The following PPP2R2B variants were observed in gnomAD, a reference collection of about 807,000 sequenced individuals.
PPP2R2B encodes the protein serine/threonine-protein phosphatase 2A 55 kDa regulatory subunit B beta isoform.
In PPP2R2B, 5 loss-of-function variants were observed where a neutral mutation model predicts 46.0. That is an observed-to-expected ratio of 0.11 (90% CI 0.06 to 0.23). The LOEUF (loss-of-function observed/expected upper bound fraction) is 0.23, where lower values mean the gene tolerates loss of function less well. Among genes scored for constraint, PPP2R2B ranks in the 10% least tolerant of loss-of-function variants. The pLI is 1.00. For synonymous variants in PPP2R2B, 215 were observed against 206.7 expected, an observed-to-expected ratio of 1.04 and a Z score of -0.34; for missense variants, 367 against 575.0, an observed-to-expected ratio of 0.64 and a Z score of 3.70.
rs190285872 is a variant in PPP2R2B, at chr5:146,615,656, T to G, written c.791-15196A>C. On this transcript the variant is annotated intron_variant, in intron 7 of 9. Coordinates refer to ENST00000394411, the MANE Select transcript of PPP2R2B (RefSeq NM_181675.4). ...TAAACCCATTTACAACAGCTACAAA[T>G]TAAAAACCAAGGATTTAACTTACTT... Among the ~76,000 whole-genome samples, 481 of 151,316 alleles carry G rather than the reference T, an allele frequency of 3.2e-3. 3 individuals carry two copies. Among genetic ancestry groups the G allele is most frequent in the African/African-American group, 0.011 (460 of 41,212 alleles).
At chr5:146,864,011 T>C (rs1234586197) in intron 2 of PPP2R2B, among the ~76,000 whole-genome samples, 4 of 152,214 alleles carry the variant, frequency 2.6e-5, no homozygotes, top group Non-Finnish European at 5.9e-5. Context: ...ACAGCGATTT[T>C]AGAAGGAAAT....
chr5:146,881,740 T>C (rs953938919), upstream of PPP2R2B, among the ~76,000 whole-genome samples: 1 of 152,212 alleles, frequency 6.6e-6, no homozygotes, highest in Admixed American at 6.5e-5. Context: ...TGACTAACTG[T>C]CACTTAGTAG....
At chr5:146,854,008 C>T (rs1760500815) in intron 2 of PPP2R2B, among the ~76,000 whole-genome samples, 1 of 152,056 alleles carries the variant, frequency 6.6e-6, no homozygotes, top group Non-Finnish European at 1.5e-5. Flanking sequence ...TATGTGTCCC[C>T]TACTAAACCA....
intron 2 of PPP2R2B, among the ~76,000 whole-genome samples, chr5:146,748,539 C>T (rs1019392000): frequency 4.5e-4 from 69 of 152,302 alleles, no homozygotes; most frequent in African/African-American, 1.7e-3. Context: ...ATCTGTTCTC[C>T]ATTTCTACAA....
chr5:147,081,379 T>C (rs772706835), exon 1 of PPP2R2B: 2 of 1,369,188 alleles, frequency 1.5e-6, no homozygotes, highest in African/African-American at 1.4e-5. Context: ...CAGGACCAGT[T>C]TGAACTGGAG....
intron 1 of PPP2R2B, among the ~76,000 whole-genome samples, chr5:147,007,822 C>T (rs1275777982): frequency 6.6e-6 from 1 of 152,118 alleles, no homozygotes; most frequent in Non-Finnish European, 1.5e-5. Flanking sequence ...GAACCCACAA[C>T]TGGACACATC....
intron 1 of PPP2R2B, among the ~76,000 whole-genome samples, chr5:147,027,045 A>G (rs755664295): frequency 8.5e-5 from 13 of 152,212 alleles, no homozygotes; most frequent in Non-Finnish European, 1.6e-4. Flanking sequence ...ATCTATCATC[A>G]AGTAAAAGAA....
At chr5:146,655,677 G>T (rs1445926624) in intron 5 of PPP2R2B, among the ~76,000 whole-genome samples, 1 of 152,234 alleles carries the variant, frequency 6.6e-6, no homozygotes, top group Non-Finnish European at 1.5e-5. Flanking sequence ...TGACTCAGGA[G>T]TCTATACCCT....
chr5:146,699,485 C>G (rs1561842314), intron 3 of PPP2R2B, among the ~76,000 whole-genome samples: 1 of 152,164 alleles, frequency 6.6e-6, no homozygotes, highest in Non-Finnish European at 1.5e-5. Flanking sequence ...ATGTGTCCCC[C>G]ATCATTCTAC....
At chr5:146,910,973 C>A (rs1486642067) in intron 1 of PPP2R2B, among the ~76,000 whole-genome samples, 1 of 152,112 alleles carries the variant, frequency 6.6e-6, no homozygotes, top group Non-Finnish European at 1.5e-5. Flanking sequence ...AGGCTGTTCC[C>A]AGTCTAAAAT....
At chr5:146,619,850 A>G (rs1773526657) in intron 7 of PPP2R2B, among the ~76,000 whole-genome samples, 1 of 152,078 alleles carries the variant, frequency 6.6e-6, no homozygotes, top group Admixed American at 6.6e-5. Context: ...TTCCTGGACA[A>G]TCTTGGCCCA....
chr5:146,873,118 T>A (rs1416434993), intron 2 of PPP2R2B, among the ~76,000 whole-genome samples: 1 of 152,226 alleles, frequency 6.6e-6, no homozygotes, highest in Non-Finnish European at 1.5e-5. Flanking sequence ...TTTCCGCTTT[T>A]AGTGATGCGC....
intron 2 of PPP2R2B, among the ~76,000 whole-genome samples, chr5:146,722,377 C>A (rs143749236): frequency 2.9e-3 from 449 of 152,226 alleles, no homozygotes; most frequent in Non-Finnish European, 5.1e-3. Context: ...CTCAGGTCTG[C>A]GGAGCTACAA....
intron 2 of PPP2R2B, among the ~76,000 whole-genome samples, chr5:146,853,244 T>G (rs1297605776): frequency 6.6e-6 from 1 of 152,166 alleles, no homozygotes; most frequent in African/African-American, 2.4e-5. Flanking sequence ...CATATATTGC[T>G]GCAATCATTT....
chr5:146,871,850 T>C (rs1439798824), intron 2 of PPP2R2B, among the ~76,000 whole-genome samples: 1 of 152,224 alleles, frequency 6.6e-6, no homozygotes, highest in Non-Finnish European at 1.5e-5. Flanking sequence ...GCAAGTTCCT[T>C]TGGTTCTCTG....
At chr5:147,062,973 AGG>A (rs1252678916) in intron 2 of PPP2R2B, among the ~76,000 whole-genome samples, 734 of 53,116 alleles carry the variant, frequency 0.014, 41 homozygotes, top group African/African-American at 0.054. Flanking sequence ...GGAGGGAGGG[AGG>A]GAGGGAGGGA....
chr5:146,900,554 T>TTTC, intron 1 of PPP2R2B, among the ~76,000 whole-genome samples: 1 of 110,140 alleles, frequency 9.1e-6, no homozygotes, highest in African/African-American at 4.0e-5. Flanking sequence ...TTCCTTCCTT[T>TTTC]CTTCCTTCCT....
At chr5:146,607,197 C>T (rs897242626) in intron 7 of PPP2R2B, 7 of 152,168 alleles carry the variant, frequency 4.6e-5, no homozygotes, top group African/African-American at 1.7e-4. Flanking sequence ...GTGAGAGAAA[C>T]GGCCAACAAT....
At chr5:146,848,950 C>T (rs1439720522) in intron 2 of PPP2R2B, among the ~76,000 whole-genome samples, 8 of 152,086 alleles carry the variant, frequency 5.3e-5, no homozygotes, top group Non-Finnish European at 8.8e-5. Context: ...TTTTATTGCT[C>T]GGATTGTTCC....
Sources: allele counts gnomAD v4.1 joint callset (sites outside exome capture counted in the v4.1 genomes callset), GRCh38; gene constraint gnomAD v4.1.1; transcripts MANE v1.5; gene names NCBI Gene and HGNC (gene_info 2026-07-23, HGNC 2026-07-21).